Variants in SORBS2 observed in about 807,000 individuals in gnomAD.
SORBS2 encodes sorbin and SH3 domain-containing protein 2.
A neutral mutation model predicts 97.7 loss-of-function variants in SORBS2; 46 were observed. The ratio of observed to expected loss-of-function variants is 0.47; its 90% confidence interval spans 0.37 to 0.60. SORBS2 has a LOEUF of 0.60. Among genes scored for constraint, SORBS2 ranks in the 20% least tolerant of loss-of-function variants. The probability of loss-of-function intolerance (pLI) is 0.00; values close to 1 mark genes in which losing one functional copy is unlikely to be tolerated. For missense variants in SORBS2, 1,316 were observed against 1,282.3 expected (o/e 1.03, Z -0.40); for synonymous variants, 476 against 473.4 (o/e 1.01, Z -0.07).
At chr4:185,790,918 T>G (rs2099077180) in intron 1 of SORBS2, among the ~76,000 whole-genome samples, 1 of 152,238 alleles carries the variant, frequency 6.6e-6, no homozygotes, top group Non-Finnish European at 1.5e-5. Flanking sequence ...AGGCTGATTT[T>G]GGTACTTAGC....
At chr4:185,668,925 C>T (rs996095217) in intron 4 of SORBS2, among the ~76,000 whole-genome samples, 2 of 152,188 alleles carry the variant, frequency 1.3e-5, no homozygotes, top group Non-Finnish European at 2.9e-5. Flanking sequence ...TGAGAAACAC[C>T]AGCTAGCAGC....
At chr4:185,887,143 G>A (rs954887493) in intron 1 of SORBS2, among the ~76,000 whole-genome samples, 2 of 152,214 alleles carry the variant, frequency 1.3e-5, no homozygotes, top group African/African-American at 2.4e-5. Flanking sequence ...GAGGGTCCAC[G>A]AGCCCATATA....
chr4:185,890,923 C>T (rs936066337), intron 1 of SORBS2, among the ~76,000 whole-genome samples: 1 of 151,762 alleles, frequency 6.6e-6, no homozygotes, highest in Admixed American at 6.5e-5. Flanking sequence ...GAACATGTTG[C>T]ATTATACAGA....
chr4:185,618,713 A>C, intron 8 of SORBS2, 82 bp from the exon 21 acceptor site: 1 of 792,566 alleles, frequency 1.3e-6, no homozygotes, highest in East Asian at 2.5e-5. Flanking sequence ...CTTAAAGAAA[A>C]AGGAAACCTC....
chr4:185,614,264 TTTTGATA>T (rs1197449325), intron 11 of SORBS2, among the ~76,000 whole-genome samples: 1 of 147,146 alleles, frequency 6.8e-6, no homozygotes, highest in Non-Finnish European at 1.5e-5. Flanking sequence ...GCCTCGAGGC[TTTTGATA>T]TTATTAAGAA....
upstream of SORBS2, among the ~76,000 whole-genome samples, chr4:185,659,440 G>A (rs891069597): frequency 6.8e-6 from 1 of 146,574 alleles, no homozygotes. Context: ...TTTTTGAGAC[G>A]GAGTCTTGCT....
rs188895612 is a variant in SORBS2, at chr4:185,913,293, C to A, written c.-338+42903G>T. On this transcript the variant is annotated intron_variant, in intron 1 of 20. Coordinates refer to the SORBS2 transcript ENST00000284776. The stretch of plus-strand genomic sequence containing the variant: ...TTTTATGGAACAAATAAACATTAAC[C>A]AAATAAAACCAGTTTTTACCAGATG... Among the ~76,000 whole-genome samples, 9 of 152,176 alleles carry A rather than the reference C, an allele frequency of 5.9e-5. No individual in the cohort carries two copies. The East Asian group carries it at 1.5e-3, about 26-fold the overall frequency.
intron 7 of SORBS2, among the ~76,000 whole-genome samples, chr4:185,622,107 A>C (rs2096728485): frequency 6.6e-6 from 1 of 152,260 alleles, no homozygotes; most frequent in African/African-American, 2.4e-5. Context: ...GCTGTAAGTT[A>C]TATAAATCTC....
intron 2 of SORBS2, among the ~76,000 whole-genome samples, chr4:185,689,046 A>T (rs1283461814): frequency 6.6e-6 from 1 of 152,252 alleles, no homozygotes; most frequent in African/African-American, 2.4e-5. Context: ...TTAGTGACTT[A>T]AACAAATTTA....
intron 2 of SORBS2, among the ~76,000 whole-genome samples, chr4:185,699,960 T>C (rs997236922): frequency 2.0e-5 from 3 of 152,186 alleles, no homozygotes; most frequent in African/African-American, 7.2e-5. Context: ...GTACTCAATT[T>C]GAGGAGTACC....
chr4:185,718,294 G>T (rs777013851), intron 2 of SORBS2, among the ~76,000 whole-genome samples: 13 of 152,060 alleles, frequency 8.5e-5, no homozygotes, highest in Non-Finnish European at 1.5e-4. Context: ...AATGATTACA[G>T]AAATATGAGC....
chr4:185,790,857 T>A (rs576535447), intron 1 of SORBS2, among the ~76,000 whole-genome samples: 1 of 152,322 alleles, frequency 6.6e-6, no homozygotes, highest in Admixed American at 6.5e-5. Flanking sequence ...CAGCATTGAC[T>A]CTGTACCACA....
At chr4:185,845,536 A>G (rs969175651) in intron 1 of SORBS2, among the ~76,000 whole-genome samples, 2 of 152,218 alleles carry the variant, frequency 1.3e-5, no homozygotes, top group South Asian at 2.1e-4. Flanking sequence ...TTGCACACAA[A>G]TTGCACAAGC....
intron 1 of SORBS2, among the ~76,000 whole-genome samples, chr4:185,782,072 G>A (rs1161128213): frequency 6.6e-6 from 1 of 152,236 alleles, no homozygotes; most frequent in Non-Finnish European, 1.5e-5. Flanking sequence ...GGGCCAATAC[G>A]TAGTTGCTGA....
At position 185,874,801 on chromosome 4, in the gene SORBS2, G is replaced by A. The variant is rs376290576; in HGVS notation, c.-338+81395C>T. 1.6e-4 allele frequency among the ~76,000 whole-genome samples: 23 copies of A among 148,002 alleles called. No homozygotes were observed. In the South Asian group the frequency reaches 4.8e-3, roughly 31 times the overall value. On this transcript the variant is annotated intron_variant, in intron 1 of 20. Transcript: ENST00000284776. ...GTGACCTTGCTCCTAACATAGGAAC[G>A]AGGCCATTTATTTTATCCCAAAGTT...
intron 1 of SORBS2, among the ~76,000 whole-genome samples, chr4:185,892,854 G>A (rs2099243162): frequency 6.6e-6 from 1 of 152,174 alleles, no homozygotes; most frequent in Non-Finnish European, 1.5e-5. Context: ...AGAGACGGTA[G>A]CCCAAGAATG....
At chr4:185,638,990 G>T in intron 4 of SORBS2, 4 of 1,524,072 alleles carry the variant, frequency 2.6e-6, no homozygotes, top group Non-Finnish European at 3.5e-6. Context: ...AGAGGCTTCC[G>T]GCCAGGTTCC....
At chr4:185,801,428 C>G (rs571008111) in intron 1 of SORBS2, among the ~76,000 whole-genome samples, 1 of 152,248 alleles carries the variant, frequency 6.6e-6, no homozygotes, top group Non-Finnish European at 1.5e-5. Context: ...AATTTACATT[C>G]CCATCAACAG....
At chr4:185,770,203 C>A (rs72703831) in intron 2 of SORBS2, among the ~76,000 whole-genome samples, 2,442 of 152,180 alleles carry the variant, frequency 0.016, 35 homozygotes, top group Non-Finnish European at 0.025. Flanking sequence ...CTCAGCCTCC[C>A]GAGTAGGATG....
Sources: gnomAD v4.1 joint callset for allele counts (sites outside exome capture counted in the v4.1 genomes callset) on GRCh38, gnomAD v4.1.1 for gene constraint, MANE v1.5 for transcripts, NCBI Gene and HGNC (gene_info 2026-07-23, HGNC 2026-07-21) for gene names.